ERMAP: variants seen among roughly 807,000 people sequenced by gnomAD.
ERMAP encodes the protein erythroblast membrane associated protein (Scianna blood group).
A neutral mutation model predicts 49.5 loss-of-function variants in ERMAP; 34 were observed. The observed-to-expected ratio is 0.69, with a 90% CI of 0.52 to 0.91. The LOEUF (loss-of-function observed/expected upper bound fraction) is 0.91, where lower values mean the gene tolerates loss of function less well. ERMAP is among the 40% of genes least tolerant of loss of function. The pLI is 0.00. For synonymous variants in ERMAP, 214 were observed against 232.2 expected (o/e 0.92, Z 0.71); for missense variants, 541 against 582.6 (o/e 0.93, Z 0.74).
intron 4 of ERMAP, chr1:42,834,829 A>G: frequency 4.2e-6 from 2 of 480,046 alleles, no homozygotes; most frequent in Non-Finnish European, 3.8e-6. Flanking sequence ...TGCTGGTATT[A>G]CAGGCGTGAG....
rs529291060 is a variant in ERMAP, at chr1:42,820,940, G to A, written c.-122+3687G>A. 2.0e-5 allele frequency among the ~76,000 whole-genome samples: 3 copies of A among 152,298 alleles called. No homozygotes were observed. The East Asian group carries it at 5.8e-4, about 29-fold the overall frequency. ...TTTAATCCTTACAACAACCCCGGGA[G>A]GTAGAGCCAGGCCCTGGTCCCTCCC... On this transcript the variant is annotated intron_variant, in intron 1 of 11. Transcript: ENST00000372517.
chr1:42,818,337 G>A (rs955613233), intron 1 of ERMAP, among the ~76,000 whole-genome samples: 63 of 152,180 alleles, frequency 4.1e-4, no homozygotes, highest in Non-Finnish European at 1.2e-4. Flanking sequence ...AGCAATCAAA[G>A]TCTAAGAAAC....
At chr1:42,839,777 T>G in intron 8 of ERMAP, 7 of 572,466 alleles carry the variant, frequency 1.2e-5, no homozygotes, top group Non-Finnish European at 2.2e-5. Context: ...CCTGTAGGTG[T>G]GAGATGTGTT....
In ERMAP at chr1:42,825,663, T is replaced by A. The variant is rs1464745391; in HGVS notation, c.-81T>A. On this transcript the variant is annotated 5_prime_UTR_variant, in exon 2 of 12. It removes an upstream start codon present in the reference 5' UTR. Transcript: ENST00000372517. The stretch of plus-strand genomic sequence containing the variant: ...TTGCCTGCTCCCTGGTCTCTCTGCA[T>A]GGGGAAGGAGTGTTCCCAGCTTGCA... The A allele has an allele frequency of 3.9e-6, 5 of 1,289,300 alleles. No individual in the cohort carries two copies. The highest frequency in any genetic ancestry group is 1.0e-6 in the Non-Finnish European group (1 of 988,892). 79.9% of individuals were successfully genotyped at this position (1,289,300 alleles called of 1,614,324 possible). A position where few individuals can be genotyped will look rare whatever the true frequency, so the allele number is the denominator to read the frequency against.
In ERMAP at chr1:42,834,487, G is replaced by A. The variant is rs1340407399; in HGVS notation, c.434-551G>A. On this transcript the variant is annotated intron_variant, in intron 4 of 11. Transcript: ENST00000372517. ...GATTGTGGTCAAGAAGTTTGTTTAA[G>A]TCATCATCTTGAGGCAGGACCATCC... Among the ~76,000 whole-genome samples, 3 of 152,306 alleles carry A rather than the reference G, an allele frequency of 2.0e-5. No homozygotes were observed. The East Asian group carries it at 5.8e-4, about 29-fold the overall frequency.
At position 42,831,569 on chromosome 1, in the gene ERMAP, T is replaced by TTTC. The variant is rs1553149739; in HGVS notation, c.433+456_433+457insCTT. 6.1e-3 allele frequency among the ~76,000 whole-genome samples: 574 copies of TTTC among 94,664 alleles called. 9 individuals are homozygous for TTTC. Among genetic ancestry groups the TTTC allele is most frequent in the African/African-American group, 0.023 (551 of 23,478 alleles). The allele number at this position is 94,664 out of a possible 152,430, so 62.1% of individuals were successfully genotyped here. A position where few individuals can be genotyped will look rare whatever the true frequency, so the allele number is the denominator to read the frequency against. On this transcript the variant is annotated intron_variant, in intron 4 of 11. Transcript: ENST00000372517. ...GGAGAGATAGTGTTTTTTTTTTTTT[T>TTTC]TTTCTCTTTTTTTTTTTTTTTTTTT...
In ERMAP at chr1:42,830,729, C is replaced by T. The variant is rs2124313356; in HGVS notation, c.86-39C>T. The T allele has an allele frequency of 2.0e-6, 3 of 1,486,332 alleles. No homozygotes were observed. In the East Asian group the frequency reaches 7.4e-5, roughly 37 times the overall value. The allele number at this position is 1,486,332 out of a possible 1,614,324, so 92.1% of individuals were successfully genotyped here. ...TCATCCCTTCCCAAGCTTTCTCCTG[C>T]CGTCCCTCCCAGTTGGCCTTGTCTC... On this transcript the variant is annotated intron_variant, in intron 3 of 11. Coordinates refer to ENST00000372517, the MANE Select transcript of ERMAP (RefSeq NM_001017922.2).
At chr1:42,840,896 A>G (rs376218494) in intron 11 of ERMAP, among the ~76,000 whole-genome samples, 2 of 152,148 alleles carry the variant, frequency 1.3e-5, no homozygotes, top group African/African-American at 2.4e-5. Context: ...CTGCAGACCA[A>G]TTTGCTTAGG....
At chr1:42,826,412 T>A (rs1439881679) in intron 2 of ERMAP, among the ~76,000 whole-genome samples, 1 of 152,006 alleles carries the variant, frequency 6.6e-6, no homozygotes, top group Non-Finnish European at 1.5e-5. Context: ...TATCCAGTGA[T>A]GGTAAGGTTG....
chr1:42,820,685 G>A (rs1654382597), intron 1 of ERMAP, among the ~76,000 whole-genome samples: 1 of 151,866 alleles, frequency 6.6e-6, no homozygotes, highest in African/African-American at 2.4e-5. Context: ...TTTGATCCCC[G>A]ACTTTCCTTT....
chr1:42,835,401 C>T (rs919504556), intron 5 of ERMAP, among the ~76,000 whole-genome samples: 2 of 152,112 alleles, frequency 1.3e-5, no homozygotes, highest in Non-Finnish European at 2.9e-5. Flanking sequence ...AGAAAATAAC[C>T]GACTATGCCA....
At chr1:42,834,886 G>T in intron 4 of ERMAP, 152 bp from the exon 5 acceptor site, 1 of 652,854 alleles carries the variant, frequency 1.5e-6, no homozygotes. Context: ...CAGGGCTTGA[G>T]TTATCAGAGA....
chr1:42,817,683 C>T (rs549309620), intron 1 of ERMAP: 2 of 152,634 alleles, frequency 1.3e-5, no homozygotes, highest in African/African-American at 4.8e-5. Flanking sequence ...CAAGTGAGAT[C>T]CCGTTTGCCA....
Position 42,842,701 on chromosome 1 carries a change from G to C in ERMAP, c.897G>C (p.Val299=). Residue 299 remains valine, a synonymous_variant, in exon 12 of 12, where the codon GTG becomes GTC. Coordinates refer to ENST00000372517, the MANE Select transcript of ERMAP (RefSeq NM_001017922.2). ...GCTGCCACTACTGGGAGGTGTATGTGGGAGACAAGACCAAATGGATTCTTG... is the reference window on the plus strand; with the variant it reads ...GCTGCCACTACTGGGAGGTGTATGTCGGAGACAAGACCAAATGGATTCTTG... The part of the protein sequence containing the change: ...TTGCHYWEVY[V]GDKTKWILGV... 6.2e-7 allele frequency: 1 copy of C among 1,614,154 alleles called. No homozygotes were observed. Among genetic ancestry groups the C allele is most frequent in the Non-Finnish European group, 8.5e-7 (1 of 1,180,012 alleles).
At chr1:42,817,416 C>G (rs1281893544) in intron 1 of ERMAP, 163 bp downstream of exon 1, 1 of 305,522 alleles carries the variant, frequency 3.3e-6, no homozygotes, top group Non-Finnish European at 5.2e-6. Flanking sequence ...GCTGGAAACC[C>G]GCGTAGAGGG....
chr1:42,830,340 C>T, intron 2 of ERMAP, 104 bp from the exon 3 acceptor site: 2 of 979,668 alleles, frequency 2.0e-6, no homozygotes, highest in Non-Finnish European at 3.2e-6. Flanking sequence ...CCTTTGTGAT[C>T]CCAGAGCACC....
chr1:42,837,694 G>C (rs17386162), intron 7 of ERMAP: 22,592 of 151,966 alleles, frequency 0.15, 1,907 homozygotes, highest in Admixed American at 0.19. Flanking sequence ...TGTTAAAACA[G>C]GCAACCTTAA....
intron 4 of ERMAP, chr1:42,834,832 G>A: frequency 2.0e-6 from 1 of 491,410 alleles, no homozygotes; most frequent in Non-Finnish European, 3.7e-6. Context: ...TGGTATTACA[G>A]GCGTGAGCCA....
chr1:42,838,792 C>T (rs752945726), intron 7 of ERMAP, 109 bp from the exon 8 acceptor site: 195 of 1,531,132 alleles, frequency 1.3e-4, no homozygotes, highest in Admixed American at 5.1e-4. Flanking sequence ...GACATAGAAG[C>T]GTCACCATCA....
Sources: gnomAD v4.1 joint callset for allele counts (sites outside exome capture counted in the v4.1 genomes callset) on GRCh38, gnomAD v4.1.1 for gene constraint, MANE v1.5 for transcripts, NCBI Gene and HGNC (gene_info 2026-07-23, HGNC 2026-07-21) for gene names.